ARHGAP39: variants seen among roughly 807,000 people sequenced by gnomAD.
The protein encoded by ARHGAP39 is rho GTPase-activating protein 39.
ARHGAP39 carries 44 observed loss-of-function variants against 106.9 expected under a neutral mutation model. The observed-to-expected ratio is 0.41, with a 90% CI of 0.32 to 0.53. The LOEUF (loss-of-function observed/expected upper bound fraction) is 0.53, where lower values mean the gene tolerates loss of function less well. ARHGAP39 is among the 20% of genes least tolerant of loss of function. The pLI, the probability that ARHGAP39 is intolerant of heterozygous loss-of-function variation, is 0.21. For synonymous variants in ARHGAP39, 768 were observed against 693.2 expected (o/e 1.11, Z -1.69); for missense variants, 1,496 against 1,577.3 (o/e 0.95, Z 0.87).
chr8:144,602,811 C>T (rs1435664379), intron 2 of ARHGAP39, among the ~76,000 whole-genome samples: 109 of 81,936 alleles, frequency 1.3e-3, no homozygotes, highest in African/African-American at 5.1e-3. Context: ...TGCATGGAGG[C>T]GTGTGTGCTC....
intron 1 of ARHGAP39, among the ~76,000 whole-genome samples, chr8:144,655,811 C>T (rs72697673): frequency 0.31 from 46,490 of 151,976 alleles, 8,726 homozygotes; most frequent in Middle Eastern, 0.42. Context: ...CCCCAAAGAC[C>T]CCGTAACACT....
At chr8:144,689,790 G>T (rs1344745829), upstream of ARHGAP39, among the ~76,000 whole-genome samples, 1 of 141,370 alleles carries the variant, frequency 7.1e-6, no homozygotes, top group East Asian at 2.1e-4. Context: ...TTGTCACCCA[G>T]GCTAGAGTGC....
rs2721161 is a variant in ARHGAP39 at position 144,545,827 on chromosome 8, C to T, written c.1960-17G>A. The T allele has an allele frequency of 3.4e-6, 5 of 1,485,044 alleles. No individual in the cohort carries two copies. The African/African-American group carries it at 4.2e-5, about 12-fold the overall frequency. The allele number at this position is 1,485,044 out of a possible 1,614,324, so 92.0% of individuals were successfully genotyped here. On this transcript the variant is annotated splice_polypyrimidine_tract_variant and intron_variant, in intron 5 of 11. Transcript: ENST00000377307. Reference sequence around the variant, plus strand: ...GTCCTCAGACTGAGAAGGACAAATGCGGCTGGGCTGTTGGGGGTGGGGGAG... The same window carrying T: ...GTCCTCAGACTGAGAAGGACAAATGTGGCTGGGCTGTTGGGGGTGGGGGAG...
At position 144,548,501 on chromosome 8, in the gene ARHGAP39, G is replaced by GT; in HGVS notation, c.597-13dup. The GT allele has an allele frequency of 6.2e-7, 1 of 1,604,230 alleles. No individual in the cohort carries two copies. The highest frequency in any genetic ancestry group is 8.5e-7 in the Non-Finnish European group (1 of 1,177,394). The stretch of plus-strand genomic sequence containing the variant: ...GCAGCGAGGAGGTCCTGCGTGGGGG[G>GT]TGGACGGGCACAGGTGACTGCCTGC... On this transcript the variant is annotated splice_polypyrimidine_tract_variant and intron_variant, in intron 4 of 11. Transcript: ENST00000377307. The surrounding 1 kb of genome is among the most constrained non-coding windows in gnomAD (Gnocchi z 7.4).
chr8:144,532,515 A>C (rs925888681), intron 9 of ARHGAP39, 119 bp from the exon 10 acceptor site: 1 of 803,758 alleles, frequency 1.2e-6, no homozygotes, highest in Middle Eastern at 3.1e-4. Flanking sequence ...AAACCTCAGG[A>C]CCCCCCGCCA....
intron 2 of ARHGAP39, among the ~76,000 whole-genome samples, chr8:144,594,747 T>C (rs1414633852): frequency 6.7e-6 from 1 of 148,620 alleles, no homozygotes; most frequent in African/African-American, 2.5e-5. Context: ...CCAGGTGTGG[T>C]GGTGGCAAAC....
At chr8:144,663,736 C>T (rs751865344) in intron 1 of ARHGAP39, among the ~76,000 whole-genome samples, 43 of 152,308 alleles carry the variant, frequency 2.8e-4, no homozygotes, top group Admixed American at 1.6e-3. Flanking sequence ...CGACACTCCA[C>T]GAACAACTTC....
intron 1 of ARHGAP39, among the ~76,000 whole-genome samples, chr8:144,628,946 G>A (rs1820993546): frequency 1.3e-5 from 2 of 152,092 alleles, no homozygotes; most frequent in Admixed American, 1.3e-4. Flanking sequence ...TTGCGCCCGG[G>A]AGGACGCGTG....
intron 1 of ARHGAP39, among the ~76,000 whole-genome samples, chr8:144,610,349 G>A (rs1214344906): frequency 6.6e-6 from 1 of 151,742 alleles, no homozygotes; most frequent in African/African-American, 2.4e-5. Flanking sequence ...GCATCCTTTA[G>A]ACTTAATTTG....
chr8:144,655,629 G>A (rs999774995), intron 1 of ARHGAP39, among the ~76,000 whole-genome samples: 1 of 152,076 alleles, frequency 6.6e-6, no homozygotes, highest in African/African-American at 2.4e-5. Flanking sequence ...CCTGCCTACA[G>A]AGAGGAGTCA....
chr8:144,644,980 C>T lies in ARHGAP39; in HGVS notation c.-81-39285G>A, dbSNP rs1173783624. Among the ~76,000 whole-genome samples, 1 of 152,242 alleles carries T rather than the reference C, an allele frequency of 6.6e-6. No individual in the cohort carries two copies. Among genetic ancestry groups the T allele is most frequent in the Admixed American group, 6.5e-5 (1 of 15,286 alleles). On this transcript the variant is annotated intron_variant, in intron 1 of 11. Transcript: ENST00000377307. This position sits in a 1 kb window ranked among gnomAD's most constrained non-coding sequence, Gnocchi z 4.8. ...CCCATTCAGGACAGAAGTCAGTCCTCGCAGGCTTGTCCCTGGGTGGCAGGT... is the reference window on the plus strand; with the variant it reads ...CCCATTCAGGACAGAAGTCAGTCCTTGCAGGCTTGTCCCTGGGTGGCAGGT...
intron 2 of ARHGAP39, among the ~76,000 whole-genome samples, chr8:144,588,826 G>C (rs1346061509): frequency 1.3e-5 from 2 of 152,266 alleles, no homozygotes; most frequent in African/African-American, 2.4e-5. Context: ...CATGAGAGCA[G>C]CACGCCGCCT....
At chr8:144,657,858 A>T (rs748581453) in intron 1 of ARHGAP39, among the ~76,000 whole-genome samples, 16 of 152,198 alleles carry the variant, frequency 1.1e-4, no homozygotes, top group Non-Finnish European at 1.6e-4. Context: ...TAAAAGGTGC[A>T]TGTCTAAAAC....
chr8:144,627,348 C>T (rs1017553436), intron 1 of ARHGAP39, among the ~76,000 whole-genome samples: 1 of 152,032 alleles, frequency 6.6e-6, no homozygotes, highest in Admixed American at 6.5e-5. Flanking sequence ...GAGGTCAGAT[C>T]GAGACCATCC....
At position 144,679,875 on chromosome 8, in the gene ARHGAP39, G is replaced by C. The variant is rs1458245224; in HGVS notation, c.-82+5811C>G. Among the ~76,000 whole-genome samples the C allele has an allele frequency of 6.6e-6, 1 of 152,180 alleles. No homozygotes were observed. Among genetic ancestry groups the C allele is most frequent in the Non-Finnish European group, 1.5e-5 (1 of 68,030 alleles). On this transcript the variant is annotated intron_variant, in intron 1 of 11. Coordinates refer to ENST00000377307, the MANE Select transcript of ARHGAP39 (RefSeq NM_025251.3). This position sits in a 1 kb window ranked among gnomAD's most constrained non-coding sequence, Gnocchi z 4.7. ...GGCACCTGTAGTCCCAGTTACTTGGGAGGCTGAGGCAGGAGAATGGCGTGA... is the reference window on the plus strand; with the variant it reads ...GGCACCTGTAGTCCCAGTTACTTGGCAGGCTGAGGCAGGAGAATGGCGTGA...
intron 1 of ARHGAP39, among the ~76,000 whole-genome samples, chr8:144,609,521 C>T (rs1326275898): frequency 6.6e-6 from 1 of 151,562 alleles, no homozygotes; most frequent in African/African-American, 2.4e-5. Flanking sequence ...CCTGCCTCAG[C>T]CTCCCAAGTA....
At chr8:144,542,661 G>A (rs1004172138) in intron 6 of ARHGAP39, among the ~76,000 whole-genome samples, 13 of 124,668 alleles carry the variant, frequency 1.0e-4, no homozygotes, top group Non-Finnish European at 1.6e-4. Context: ...AGTCTTGGCC[G>A]GGCACAATGG....
intron 5 of ARHGAP39, among the ~76,000 whole-genome samples, chr8:144,546,363 G>A (rs183938026): frequency 1.3e-5 from 2 of 152,158 alleles, no homozygotes; most frequent in Admixed American, 6.5e-5. Context: ...CCTGCATCTT[G>A]AGAAGTGGAC....
rs1267180335 is a variant in ARHGAP39 at position 144,679,120 on chromosome 8, G to A, written c.-82+6566C>T. Among the ~76,000 whole-genome samples the A allele has an allele frequency of 6.6e-6, 1 of 152,230 alleles. No homozygotes were observed. The highest frequency in any genetic ancestry group is 2.4e-5 in the African/African-American group (1 of 41,472). The stretch of plus-strand genomic sequence containing the variant: ...AAGTGAATGTGGGTGCTGAGTCTGA[G>A]CCGCCTCAGGGGCTCTCGCGCATGG... On this transcript the variant is annotated intron_variant, in intron 1 of 11. Coordinates refer to ENST00000377307, the MANE Select transcript of ARHGAP39 (RefSeq NM_025251.3). The surrounding 1 kb of genome is among the most constrained non-coding windows in gnomAD (Gnocchi z 4.7).
Sources: allele counts gnomAD v4.1 joint callset (sites outside exome capture counted in the v4.1 genomes callset), GRCh38; gene constraint gnomAD v4.1.1; non-coding constraint Gnocchi (gnomAD v3.1); transcripts MANE v1.5; gene names NCBI Gene and HGNC (gene_info 2026-07-23, HGNC 2026-07-21).